The following SCHIP1 variants were observed in gnomAD, a reference collection of about 807,000 sequenced individuals.
SCHIP1 encodes the protein schwannomin-interacting protein 1.
In SCHIP1, 8 loss-of-function variants were observed where a neutral mutation model predicts 29.7. The observed-to-expected ratio is 0.27, with a 90% CI of 0.16 to 0.49. The LOEUF (loss-of-function observed/expected upper bound fraction) is 0.49, where lower values mean the gene tolerates loss of function less well. SCHIP1 is among the 20% of genes least tolerant of loss of function. The pLI is 0.99. For synonymous variants in SCHIP1, 76 were observed against 94.9 expected (o/e 0.80, Z 1.16); for missense variants, 193 against 294.6 (o/e 0.66, Z 2.52).
chr3:159,690,569 G>T, the SCHIP1 span, among the ~76,000 whole-genome samples: 165 of 152,074 alleles, frequency 1.1e-3, no homozygotes, highest in African/African-American at 3.7e-3. Flanking sequence ...TTGATTTTTT[G>T]AAGGTTTTTT....
chr3:159,511,808 A>T, the SCHIP1 span, among the ~76,000 whole-genome samples: 12 of 152,230 alleles, frequency 7.9e-5, no homozygotes, highest in Non-Finnish European at 1.6e-4. Flanking sequence ...AGAAACAAAA[A>T]TGGAACTTTA....
chr3:159,791,191 C>T, the SCHIP1 span, among the ~76,000 whole-genome samples: 28 of 152,290 alleles, frequency 1.8e-4, no homozygotes, highest in South Asian at 3.9e-3. Context: ...TGCAGTCTCA[C>T]GTTTAACCTC....
the SCHIP1 span, among the ~76,000 whole-genome samples, chr3:159,385,600 A>T: frequency 1.3e-5 from 2 of 151,814 alleles, no homozygotes; most frequent in Non-Finnish European, 1.5e-5. Flanking sequence ...CAAAAAAAAA[A>T]AAAACCCAGA....
At chr3:159,502,926 G>A in the SCHIP1 span, among the ~76,000 whole-genome samples, 1 of 152,288 alleles carries the variant, frequency 6.6e-6, no homozygotes, top group East Asian at 1.9e-4. Context: ...ACAAGCAAAT[G>A]CCTATTAAAA....
At chr3:159,718,578 T>C in the SCHIP1 span, among the ~76,000 whole-genome samples, 1 of 152,182 alleles carries the variant, frequency 6.6e-6, no homozygotes, top group African/African-American at 2.4e-5. Context: ...AGCATTCTTA[T>C]ACACCAATAA....
At chr3:159,627,044 G>T in the SCHIP1 span, among the ~76,000 whole-genome samples, 3 of 152,040 alleles carry the variant, frequency 2.0e-5, no homozygotes, top group Non-Finnish European at 4.4e-5. Flanking sequence ...CCCCCACCCC[G>T]ACGGGCCCCG....
At chr3:159,463,188 G>A in the SCHIP1 span, among the ~76,000 whole-genome samples, 5 of 151,664 alleles carry the variant, frequency 3.3e-5, no homozygotes. Context: ...TATAGACATG[G>A]GGAAAAGTCT....
At chr3:159,505,266 C>T in the SCHIP1 span, among the ~76,000 whole-genome samples, 2 of 152,138 alleles carry the variant, frequency 1.3e-5, no homozygotes, top group African/African-American at 2.4e-5. Flanking sequence ...AACATTTTAT[C>T]TATCTACCAA....
chr3:159,452,112 C>T, the SCHIP1 span, among the ~76,000 whole-genome samples: 1 of 149,430 alleles, frequency 6.7e-6, no homozygotes, highest in African/African-American at 2.4e-5. Context: ...AATAAAAAGC[C>T]AAAAAAGGTC....
chr3:159,763,458 C>T, the SCHIP1 span, among the ~76,000 whole-genome samples: 2 of 152,152 alleles, frequency 1.3e-5, no homozygotes, highest in African/African-American at 4.8e-5. Flanking sequence ...CGTGAAAATA[C>T]ACCACTCTTC....
chr3:159,682,784 T>G, the SCHIP1 span, among the ~76,000 whole-genome samples: 2 of 152,234 alleles, frequency 1.3e-5, no homozygotes, highest in Admixed American at 6.5e-5. Flanking sequence ...ATTTCACAAC[T>G]GACATTCAAA....
At chr3:159,786,700 C>T in the SCHIP1 span, among the ~76,000 whole-genome samples, 5 of 115,074 alleles carry the variant, frequency 4.3e-5, no homozygotes, top group Non-Finnish European at 9.4e-5. Context: ...TGTGTGTCTG[C>T]GCGTGTGCAC....
the SCHIP1 span, chr3:159,808,300 A>G: frequency 6.6e-6 from 1 of 152,252 alleles, no homozygotes; most frequent in Middle Eastern, 3.2e-3. Flanking sequence ...TTTCAAGCTA[A>G]TTTACCCAAT....
chr3:159,690,899 T>G, the SCHIP1 span, among the ~76,000 whole-genome samples: 1 of 152,198 alleles, frequency 6.6e-6, no homozygotes, highest in Non-Finnish European at 1.5e-5. Flanking sequence ...CATTTAGTTG[T>G]GCAGTTTTGT....
the SCHIP1 span, among the ~76,000 whole-genome samples, chr3:159,444,405 G>A: frequency 1.3e-5 from 2 of 152,010 alleles, no homozygotes; most frequent in Non-Finnish European, 2.9e-5. Flanking sequence ...ACCATCTGCA[G>A]GCAACCTCCA....
At chr3:159,502,913 A>G in the SCHIP1 span, among the ~76,000 whole-genome samples, 2 of 152,228 alleles carry the variant, frequency 1.3e-5, no homozygotes. Flanking sequence ...AAGGGCAGAA[A>G]ACACAAGCAA....
chr3:159,587,127 T>C, the SCHIP1 span, among the ~76,000 whole-genome samples: 1 of 152,148 alleles, frequency 6.6e-6, no homozygotes, highest in Non-Finnish European at 1.5e-5. Context: ...CTCCTGGGTC[T>C]AGTGATAGAC....
the SCHIP1 span, among the ~76,000 whole-genome samples, chr3:159,688,104 G>C: frequency 1.3e-5 from 2 of 152,174 alleles, no homozygotes; most frequent in African/African-American, 4.8e-5. Context: ...ATAATCCTTT[G>C]GGTATAATCC....
At chr3:159,481,212 T>C in the SCHIP1 span, among the ~76,000 whole-genome samples, 1 of 152,196 alleles carries the variant, frequency 6.6e-6, no homozygotes, top group Non-Finnish European at 1.5e-5. Flanking sequence ...CCAGACCTAC[T>C]AAATCAGAAA....
Sources: gnomAD v4.1 joint callset for allele counts (sites outside exome capture counted in the v4.1 genomes callset) on GRCh38, gnomAD v4.1.1 for gene constraint, MANE v1.5 for transcripts, NCBI Gene and HGNC (gene_info 2026-07-23, HGNC 2026-07-21) for gene names.